Variants in CNOT4 observed in about 807,000 individuals in gnomAD.
CNOT4 encodes CCR4-NOT transcription complex subunit 4, also known as CCR4-associated factor 4.
In CNOT4, 8 loss-of-function variants were observed where a neutral mutation model predicts 73.8. That is an observed-to-expected ratio of 0.11 (90% CI 0.06 to 0.20). The LOEUF (loss-of-function observed/expected upper bound fraction) is 0.20. Among genes scored for constraint, CNOT4 ranks in the 10% least tolerant of loss-of-function variants. The pLI, the probability that CNOT4 is intolerant of heterozygous loss-of-function variation, is 1.00. For synonymous variants in CNOT4, 293 were observed against 321.1 expected (o/e 0.91, Z 0.94); for missense variants, 564 against 883.4 (o/e 0.64, Z 4.58).
intron 2 of CNOT4, among the ~76,000 whole-genome samples, chr7:135,434,912 T>C (rs1370866799): frequency 6.6e-6 from 1 of 152,222 alleles, no homozygotes; most frequent in Non-Finnish European, 1.5e-5. Flanking sequence ...TCTCTGTTTG[T>C]ATGGTGGTTC....
At chr7:135,417,789 C>A (rs1318067408) in intron 3 of CNOT4, among the ~76,000 whole-genome samples, 1 of 152,184 alleles carries the variant, frequency 6.6e-6, no homozygotes, top group African/African-American at 2.4e-5. Flanking sequence ...CTCACCACTG[C>A]AATCTAATCT....
intron 2 of CNOT4, among the ~76,000 whole-genome samples, chr7:135,435,658 T>C (rs1799112815): frequency 1.3e-5 from 2 of 152,222 alleles, no homozygotes; most frequent in Non-Finnish European, 2.9e-5. Flanking sequence ...TTCTCTTTCA[T>C]GATGTTGGTT....
At chr7:135,375,663 G>A (rs886892151) in intron 10 of CNOT4, among the ~76,000 whole-genome samples, 7 of 152,180 alleles carry the variant, frequency 4.6e-5, no homozygotes, top group Admixed American at 1.3e-4. Flanking sequence ...GGTGGCTCAC[G>A]CCTGTAATCC....
intron 1 of CNOT4, among the ~76,000 whole-genome samples, chr7:135,497,301 C>A (rs946995736): frequency 3.9e-5 from 6 of 151,968 alleles, no homozygotes; most frequent in Admixed American, 3.3e-4. Context: ...CCCAGCTACT[C>A]AAGAGGCTAA....
chr7:135,375,912 G>A (rs919670997), intron 10 of CNOT4, among the ~76,000 whole-genome samples: 6 of 152,084 alleles, frequency 3.9e-5, no homozygotes, highest in East Asian at 1.9e-4. Context: ...GTGACAGTGC[G>A]AGACTCCGTC....
At chr7:135,474,549 T>G (rs1801870367) in intron 1 of CNOT4, among the ~76,000 whole-genome samples, 1 of 152,026 alleles carries the variant, frequency 6.6e-6, no homozygotes, top group Non-Finnish European at 1.5e-5. Flanking sequence ...AGTGCTAGGA[T>G]TACAGACATG....
At chr7:135,458,911 C>T (rs1800708404) in intron 1 of CNOT4, among the ~76,000 whole-genome samples, 1 of 151,964 alleles carries the variant, frequency 6.6e-6, no homozygotes, top group Non-Finnish European at 1.5e-5. Flanking sequence ...GTATTTTGAC[C>T]TCCTCCCATC....
intron 7 of CNOT4, among the ~76,000 whole-genome samples, chr7:135,402,336 C>T (rs1469044640): frequency 6.6e-6 from 1 of 152,114 alleles, no homozygotes; most frequent in African/African-American, 2.4e-5. Context: ...TCTTAACCTC[C>T]TGGCCTCAAG....
intron 1 of CNOT4, among the ~76,000 whole-genome samples, chr7:135,497,322 T>G (rs1271520696): frequency 6.6e-6 from 1 of 151,994 alleles, no homozygotes; most frequent in African/African-American, 2.4e-5. Flanking sequence ...GGTAGGAGAA[T>G]TGCTTGAACC....
chr7:135,500,241 A>G (rs180816364), intron 1 of CNOT4, among the ~76,000 whole-genome samples: 16 of 152,322 alleles, frequency 1.1e-4, no homozygotes, highest in African/African-American at 3.4e-4. Context: ...TGCTACATAC[A>G]GTAGAGGAAT....
chr7:135,378,246 G>A (rs1338891651), intron 10 of CNOT4, among the ~76,000 whole-genome samples: 1 of 152,232 alleles, frequency 6.6e-6, no homozygotes. Context: ...GGTCACGCCT[G>A]TAATCCCAGC....
intron 2 of CNOT4, 92 bp from the exon 3 acceptor site, chr7:135,422,445 T>C (rs1436674093): frequency 2.9e-6 from 2 of 691,244 alleles, no homozygotes; most frequent in South Asian, 3.6e-5. Flanking sequence ...GGGTATGTGG[T>C]TATCTGTTAC....
rs781312469 is a variant in CNOT4, at chr7:135,395,855, G to A, written c.908C>T (p.Pro303Leu). The A allele has an allele frequency of 5.0e-6, 8 of 1,608,708 alleles. No homozygotes were observed. The highest frequency in any genetic ancestry group is 6.8e-6 in the Non-Finnish European group (8 of 1,175,060). The change falls in exon 9 of 12, where the codon CCA becomes CTA. Residue 303 changes from proline (P) to leucine (L), a missense_variant. By Grantham distance (98) the Pro-to-Leu change is moderately conservative. This residue lies in a region of CNOT4 where 135 missense variants were observed against 154.0 expected (regional missense o/e 0.88). Transcript: ENST00000541284. ...TGGATTGGATTTTGACAAACCAGGT[G>A]GTGGTGAAGGCGTATCACTGTTAGA... ...QISNSDTPSP[P>L]PGLSKSNPVI...
intron 1 of CNOT4, among the ~76,000 whole-genome samples, chr7:135,448,916 G>GA (rs567331274): frequency 1.1e-3 from 164 of 150,224 alleles, no homozygotes; most frequent in Admixed American, 2.0e-3. Flanking sequence ...GAATAGAGAG[G>GA]AAAAAAAAGA....
intron 2 of CNOT4, among the ~76,000 whole-genome samples, chr7:135,436,017 C>CTT: frequency 6.9e-6 from 1 of 145,060 alleles, no homozygotes; most frequent in East Asian, 2.0e-4. Context: ...ACTCCCATTC[C>CTT]TTTTTTTTTT....
rs759089041 is a variant in CNOT4, at chr7:135,363,827, T to A, written c.1840+27A>T. 6.4e-7 allele frequency: 1 copy of A among 1,552,966 alleles called. No individual in the cohort carries two copies. Among genetic ancestry groups the A allele is most frequent in the East Asian group, 2.3e-5 (1 of 44,318 alleles). On this transcript the variant is annotated intron_variant, in intron 11 of 11. Transcript: ENST00000541284. This position sits in a 1 kb window ranked among gnomAD's most constrained non-coding sequence, Gnocchi z 4.3. ...TAAAAACCAAACTGTTGGCAGTCAG[T>A]GTAGCTGAAGGGAGTGAGAAAGTTA...
rs557168532 is a variant in CNOT4, at chr7:135,500,189, A to C, written c.-93+9700T>G. Reference sequence around the variant, plus strand: ...AATTTTAAAATTATAAGCACAGTTGAGATGTTTTCAGACTCAACTGTGGGA... The same window carrying C: ...AATTTTAAAATTATAAGCACAGTTGCGATGTTTTCAGACTCAACTGTGGGA... On this transcript the variant is annotated intron_variant, in intron 1 of 11. Transcript: ENST00000541284. Among the ~76,000 whole-genome samples the C allele has an allele frequency of 2.6e-5, 4 of 152,144 alleles. No individual in the cohort carries two copies. The South Asian group carries it at 8.3e-4, about 31-fold the overall frequency.
chr7:135,488,762 T>A, intron 1 of CNOT4, among the ~76,000 whole-genome samples: 1 of 152,050 alleles, frequency 6.6e-6, no homozygotes, highest in East Asian at 1.9e-4. Flanking sequence ...ATAGAATGTA[T>A]CATTATTAAT....
intron 1 of CNOT4, among the ~76,000 whole-genome samples, chr7:135,480,459 T>A: frequency 6.6e-6 from 1 of 152,236 alleles, no homozygotes; most frequent in East Asian, 1.9e-4. Context: ...CATCTACAAT[T>A]CAACTTACAT....
Sources: allele counts gnomAD v4.1 joint callset (sites outside exome capture counted in the v4.1 genomes callset), GRCh38; gene constraint gnomAD v4.1.1; regional missense constraint gnomAD v4.1.1; non-coding constraint Gnocchi (gnomAD v3.1); transcripts MANE v1.5; gene names NCBI Gene and HGNC (gene_info 2026-07-23, HGNC 2026-07-21).